TMX3: variants seen among roughly 807,000 people sequenced by gnomAD.
The protein encoded by TMX3 is thioredoxin related transmembrane protein 3, also known as protein disulfide-isomerase TMX3.
In TMX3, 40 loss-of-function variants were observed where a neutral mutation model predicts 64.4. The observed-to-expected ratio is 0.62, with a 90% CI of 0.48 to 0.81. The LOEUF (loss-of-function observed/expected upper bound fraction) is 0.81, where lower values mean the gene tolerates loss of function less well. Ranked by LOEUF, TMX3 falls within the 30% of genes least tolerant of loss-of-function variation. The pLI is 0.00. For missense variants in TMX3, 497 were observed against 534.5 expected (o/e 0.93, Z 0.69); for synonymous variants, 189 against 175.7 (o/e 1.08, Z -0.60).
intron 2 of TMX3, among the ~76,000 whole-genome samples, chr18:68,712,780 A>G (rs2031419944): frequency 6.6e-6 from 1 of 151,982 alleles, no homozygotes; most frequent in South Asian, 2.1e-4. Flanking sequence ...CCTGTAAACA[A>G]TCAGTGAGCA....
chr18:68,713,402 G>C (rs983379421), intron 2 of TMX3, among the ~76,000 whole-genome samples: 1 of 152,208 alleles, frequency 6.6e-6, no homozygotes, highest in African/African-American at 2.4e-5. Flanking sequence ...TTGGTGTAGG[G>C]AGGGCACCTT....
chr18:68,687,012 T>C (rs1020450425), intron 10 of TMX3: 7 of 983,336 alleles, frequency 7.1e-6, no homozygotes, highest in Admixed American at 6.2e-5. Context: ...AATGTTCTCA[T>C]TGTTTTACTC....
At position 68,710,089 on chromosome 18, in the gene TMX3, A is replaced by G. The variant is rs776356435; in HGVS notation, c.197T>C (p.Val66Ala). The G allele has an allele frequency of 1.2e-6, 2 of 1,604,220 alleles. No homozygotes were observed. The highest frequency in any genetic ancestry group is 1.1e-5 in the South Asian group (1 of 89,158). ...ACCAATGCTTTTCATCTCAAGACCA[A>G]CTTCATTCCAAATTGGTTCCAGCTT... ...CKKLEPIWNE[V>A]GLEMKSIGSP... The change falls in exon 4 of 16, where the codon GTT becomes GCT. Residue 66 changes from valine to alanine, a missense_variant. Coordinates refer to ENST00000299608, the MANE Select transcript of TMX3 (RefSeq NM_019022.5).
intron 13 of TMX3, among the ~76,000 whole-genome samples, chr18:68,681,992 T>C (rs532092892): frequency 2.0e-5 from 3 of 152,338 alleles, no homozygotes; most frequent in African/African-American, 7.2e-5. Flanking sequence ...GTTTTCTTAA[T>C]TATTGCCTCT....
chr18:68,695,700 T>C (rs920250969), intron 8 of TMX3, among the ~76,000 whole-genome samples: 3 of 152,156 alleles, frequency 2.0e-5, no homozygotes. Context: ...TTCCCAACCC[T>C]CACTAACCAT....
At chr18:68,701,873 A>G (rs2030116695) in intron 4 of TMX3, 83 bp from the exon 5 acceptor site, 4 of 1,141,400 alleles carry the variant, frequency 3.5e-6, no homozygotes, top group African/African-American at 1.6e-5. Context: ...TACTTTAAAA[A>G]TAGAGATATT....
Position 68,675,408 on chromosome 18 carries a change from A to G in TMX3, c.*1525T>C, listed in dbSNP as rs554692010. On this transcript the variant is annotated 3_prime_UTR_variant, in exon 16 of 16. Transcript: ENST00000299608. ...TTTAATTATTAAATACTAAAAGAGT[A>G]CATGGATAAAATAAAACAATCACTA... The G allele has an allele frequency of 3.3e-4, 51 of 152,294 alleles. No individual in the cohort carries two copies. The highest frequency in any genetic ancestry group is 1.2e-3 in the African/African-American group (51 of 41,586). The allele number at this position is 152,294 out of a possible 1,614,324, so 9.4% of individuals were successfully genotyped here.
rs750638663 is a variant in TMX3, at chr18:68,715,105, A to G, written c.-124T>C. On this transcript the variant is annotated 5_prime_UTR_variant, in exon 1 of 16. Transcript: ENST00000299608. ...CGGAGCGGAAGAGAAGCACCGCGCT[A>G]ACTACGGGGGCGGGGCTACCCGGCC... 3.8e-5 allele frequency: 57 copies of G among 1,511,334 alleles called. No individual in the cohort carries two copies. In the Middle Eastern group the frequency reaches 7.2e-4, roughly 19 times the overall value. The allele number at this position is 1,511,334 out of a possible 1,614,324, so 93.6% of individuals were successfully genotyped here. A position where few individuals can be genotyped will look rare whatever the true frequency, so the allele number is the denominator to read the frequency against.
intron 15 of TMX3, among the ~76,000 whole-genome samples, chr18:68,679,131 G>C (rs1214316819): frequency 6.6e-6 from 1 of 152,004 alleles, no homozygotes; most frequent in African/African-American, 2.4e-5. Flanking sequence ...AGCACGTAAT[G>C]GAACTAAAAA....
chr18:68,697,219 A>T lies in TMX3; in HGVS notation c.570+7T>A. On this transcript the variant is annotated splice_region_variant and intron_variant, in intron 8 of 15. Coordinates refer to ENST00000299608, the MANE Select transcript of TMX3 (RefSeq NM_019022.5). ...TTGTGTCGTTAAAATCAAATTTTAA[A>T]TATTACCTCAGGAACCACTTCTTCT... is the stretch of plus-strand genomic sequence containing the variant. 6.8e-7 allele frequency: 1 copy of T among 1,471,956 alleles called. No individual in the cohort carries two copies. The highest frequency in any genetic ancestry group is 9.3e-7 in the Non-Finnish European group (1 of 1,079,914). 91.2% of individuals were successfully genotyped at this position (1,471,956 alleles called of 1,614,324 possible).
chr18:68,695,396 T>C (rs1225211262), intron 8 of TMX3, among the ~76,000 whole-genome samples: 1 of 152,236 alleles, frequency 6.6e-6, no homozygotes, highest in Non-Finnish European at 1.5e-5. Flanking sequence ...AAGGTTCTTT[T>C]ACATAGCCTT....
chr18:68,705,124 TAGG>T (rs1253268130), intron 4 of TMX3, among the ~76,000 whole-genome samples: 1 of 151,858 alleles, frequency 6.6e-6, no homozygotes, highest in Non-Finnish European at 1.5e-5. Flanking sequence ...AGTAAGGGGG[TAGG>T]AGGAGATTGG....
chr18:68,700,510 AC>A, intron 5 of TMX3, 25 bp from the exon 6 acceptor site: 2 of 1,425,850 alleles, frequency 1.4e-6, no homozygotes, highest in Non-Finnish European at 1.9e-6. Flanking sequence ...AAAAATTAAA[AC>A]CTGGATTGTT....
chr18:68,707,097 G>A lies in TMX3; in HGVS notation c.265+2924C>T, dbSNP rs372645024. Among the ~76,000 whole-genome samples the A allele has an allele frequency of 3.9e-5, 6 of 152,022 alleles. No individual in the cohort carries two copies. In the South Asian group the frequency reaches 1.0e-3, roughly 26 times the overall value. ...TGTTTTGCTCAATGATGTATCACCA[G>A]TACCCTGGTATGTGCCAGGCATATC... On this transcript the variant is annotated intron_variant, in intron 4 of 15. Transcript: ENST00000299608.
chr18:68,686,422 T>A (rs1269846685), intron 10 of TMX3, among the ~76,000 whole-genome samples: 1 of 152,118 alleles, frequency 6.6e-6, no homozygotes, highest in Non-Finnish European at 1.5e-5. Context: ...TCTGAAAGAA[T>A]CAAAAAGTCT....
intron 11 of TMX3, 75 bp downstream of exon 11, chr18:68,684,353 C>T: frequency 2.0e-6 from 3 of 1,506,648 alleles, no homozygotes; most frequent in East Asian, 4.5e-5. Flanking sequence ...AAGTAAGATA[C>T]CATATCAAGT....
rs574529187 is a variant in TMX3 at position 68,697,854 on chromosome 18, C to G, written c.492+78G>C. The G allele has an allele frequency of 9.3e-6, 8 of 864,352 alleles. No individual in the cohort carries two copies. In the Admixed American group the frequency reaches 1.8e-4, roughly 19 times the overall value. The allele number at this position is 864,352 out of a possible 1,614,324, so 53.5% of individuals were successfully genotyped here. ...AGTAAGTGCAGAGTAATAAGTTCTGCGTTTCTAGTGAAGTCTTGATTATAG... is the reference window on the plus strand; with the variant it reads ...AGTAAGTGCAGAGTAATAAGTTCTGGGTTTCTAGTGAAGTCTTGATTATAG... On this transcript the variant is annotated intron_variant, in intron 7 of 15. Transcript: ENST00000299608.
intron 15 of TMX3, among the ~76,000 whole-genome samples, chr18:68,679,035 AATTTT>A (rs952181113): frequency 5.3e-5 from 8 of 152,148 alleles, no homozygotes; most frequent in Non-Finnish European, 1.0e-4. Flanking sequence ...TAAGATCTAA[AATTTT>A]ATTTTGACTC....
intron 5 of TMX3, 76 bp downstream of exon 5, chr18:68,701,669 T>C: frequency 6.3e-7 from 1 of 1,596,676 alleles, no homozygotes; most frequent in Non-Finnish European, 8.6e-7. Context: ...GGGAATCTAC[T>C]AGAAATTAAC....
Sources: allele counts gnomAD v4.1 joint callset (sites outside exome capture counted in the v4.1 genomes callset), GRCh38; gene constraint gnomAD v4.1.1; transcripts MANE v1.5; gene names NCBI Gene and HGNC (gene_info 2026-07-23, HGNC 2026-07-21).